Variants in APP observed in about 807,000 individuals in gnomAD.
APP encodes the protein amyloid beta precursor protein, also known as amyloid-beta precursor protein.
APP carries 31 observed loss-of-function variants against 101.4 expected under a neutral mutation model. That is an observed-to-expected ratio of 0.31 (90% CI 0.23 to 0.41). APP has a LOEUF of 0.41. APP is among the 10% of genes least tolerant of loss of function. The pLI is 1.00. For missense variants in APP, 839 were observed against 1,003.7 expected (o/e 0.84, Z 2.22); for synonymous variants, 366 against 364.4 (o/e 1.00, Z -0.05).
At chr21:26,021,008 A>C (rs1200666128) in intron 6 of APP, among the ~76,000 whole-genome samples, 2 of 151,894 alleles carry the variant, frequency 1.3e-5, no homozygotes, top group African/African-American at 4.8e-5. Context: ...CACCTCTGTT[A>C]AAATTCATAG....
chr21:26,090,868 TAG>T (rs1601434193), intron 2 of APP, among the ~76,000 whole-genome samples: 1 of 152,222 alleles, frequency 6.6e-6, no homozygotes, highest in African/African-American at 2.4e-5. Flanking sequence ...GGGTGTCATT[TAG>T]ATAAAAATAA....
chr21:26,085,008 G>C (rs2146093355), intron 3 of APP, among the ~76,000 whole-genome samples: 1 of 152,150 alleles, frequency 6.6e-6, no homozygotes, highest in African/African-American at 2.4e-5. Flanking sequence ...TCTATCTTTT[G>C]CTGATTATAA....
intron 1 of APP, chr21:26,158,082 T>A (rs1257692425): frequency 6.6e-6 from 1 of 152,254 alleles, no homozygotes; most frequent in Non-Finnish European, 1.5e-5. Context: ...ATTGCTTTGT[T>A]CCATCACTCT....
At chr21:26,170,817 A>G (rs1278047853), upstream of APP, 1 of 550,198 alleles carries the variant, frequency 1.8e-6, no homozygotes, top group Non-Finnish European at 3.0e-6. Flanking sequence ...GAGTCAGCTG[A>G]TCCGGCCCAC....
At chr21:26,025,377 G>C (rs2146795509) in intron 5 of APP, among the ~76,000 whole-genome samples, 1 of 152,286 alleles carries the variant, frequency 6.6e-6, no homozygotes, top group Admixed American at 6.5e-5. Flanking sequence ...GGAAAATTCA[G>C]GGAAAGTCAG....
At position 25,903,090 on chromosome 21, in the gene APP, G is replaced by T. The variant is rs545223604; in HGVS notation, c.1963+1934C>A. ...AAAATTTTTTTTAAAAGAATAGGCC[G>T]GGCATGGTGCTTATGCCTGTAATCC... On this transcript the variant is annotated intron_variant, in intron 15 of 17. Coordinates refer to ENST00000346798, the MANE Select transcript of APP (RefSeq NM_000484.4). Among the ~76,000 whole-genome samples the T allele has an allele frequency of 4.2e-3, 3 of 710 alleles. No individual in the cohort carries two copies. In the African/African-American group the frequency reaches 0.044, roughly 10 times the overall value. The allele number at this position is 710 out of a possible 152,430, so 0.5% of individuals were successfully genotyped here.
chr21:26,019,779 G>A (rs528250216), intron 6 of APP, among the ~76,000 whole-genome samples: 1 of 152,312 alleles, frequency 6.6e-6, no homozygotes, highest in African/African-American at 2.4e-5. Flanking sequence ...CTTCATTTAG[G>A]TTTCGAGAAG....
chr21:26,074,594 T>C (rs1417217547), intron 3 of APP, among the ~76,000 whole-genome samples: 1 of 152,042 alleles, frequency 6.6e-6, no homozygotes. Flanking sequence ...CTACTAAAAA[T>C]ACAAAAATTA....
chr21:25,968,436 C>T (rs1287445579), intron 11 of APP, among the ~76,000 whole-genome samples: 1 of 148,682 alleles, frequency 6.7e-6, no homozygotes, highest in Non-Finnish European at 1.5e-5. Flanking sequence ...GCTGGGATTA[C>T]AGCTGTGAGC....
At chr21:25,948,500 A>G (rs1266143461) in intron 13 of APP, among the ~76,000 whole-genome samples, 1 of 152,158 alleles carries the variant, frequency 6.6e-6, no homozygotes, top group African/African-American at 2.4e-5. Flanking sequence ...CCCATTCACT[A>G]TGGATTTATT....
rs2036983330 is a variant in APP, at chr21:25,881,550, C to T, written c.*120G>A. 5.3e-6 allele frequency: 6 copies of T among 1,135,686 alleles called. No individual in the cohort carries two copies. Among genetic ancestry groups the T allele is most frequent in the South Asian group, 2.5e-5 (2 of 80,440 alleles). 70.4% of individuals were successfully genotyped at this position (1,135,686 alleles called of 1,614,324 possible). ...GTGTTACAGCACAGCTGTCAAAAGGCGATAATGAGTAAATCATAAAACGGG... is the reference window on the plus strand; with the variant it reads ...GTGTTACAGCACAGCTGTCAAAAGGTGATAATGAGTAAATCATAAAACGGG... On this transcript the variant is annotated 3_prime_UTR_variant, in exon 18 of 18. Transcript: ENST00000346798.
intron 6 of APP, chr21:26,009,599 T>TC (rs1396595987): frequency 1.3e-5 from 2 of 151,114 alleles, no homozygotes; most frequent in African/African-American, 4.9e-5. Flanking sequence ...TCTTTTCTTT[T>TC]TTTTTTTTTG....
intron 13 of APP, chr21:25,945,731 C>T (rs1159692360): frequency 2.9e-6 from 1 of 345,484 alleles, no homozygotes; most frequent in East Asian, 9.1e-5. Context: ...CAGGGTCTTG[C>T]TCTATTGCCC....
chr21:26,081,385 GT>G (rs1295387525), intron 3 of APP, among the ~76,000 whole-genome samples: 2 of 143,480 alleles, frequency 1.4e-5, no homozygotes, highest in African/African-American at 5.2e-5. Flanking sequence ...GTCAAAGGGG[GT>G]TGTTCTCTGG....
Position 25,982,424 on chromosome 21 carries a change from G to A in APP, c.1144C>T (p.Pro382Ser), listed in dbSNP as rs752243493. ...PDAVDKYLET[P>S]GDENEHAHFQ... ...TGGGCATGTTCATTCTCATCCCCAG[G>A]TGTCTCGAGATACTTGTCAACGGCA... The change falls in exon 9 of 18, where the codon CCT becomes TCT. Residue 382 changes from proline (P) to serine (S), a missense_variant. Coordinates refer to ENST00000346798, the MANE Select transcript of APP (RefSeq NM_000484.4). 1.2e-5 allele frequency: 19 copies of A among 1,613,508 alleles called. No individual in the cohort carries two copies. Among genetic ancestry groups the A allele is most frequent in the South Asian group, 3.3e-5 (3 of 91,054 alleles).
At chr21:25,969,905 A>AGAGGGGAGGGGAGGGGAGGTAAGGGAGGG (rs796868333) in intron 11 of APP, among the ~76,000 whole-genome samples, 1 of 79,358 alleles carries the variant, frequency 1.3e-5, no homozygotes, top group Non-Finnish European at 2.3e-5. Flanking sequence ...AGAGAAGAGA[A>AGAGGGGAGGGGAGGGGAGGTAAGGGAGGG]GAGGGGAGGG....
At chr21:25,893,897 G>A (rs2037857060) in intron 16 of APP, among the ~76,000 whole-genome samples, 2 of 152,208 alleles carry the variant, frequency 1.3e-5, no homozygotes, top group South Asian at 4.1e-4. Flanking sequence ...TTCATCACTA[G>A]AGAGAAGTCC....
intron 11 of APP, among the ~76,000 whole-genome samples, chr21:25,970,004 GAA>G (rs1274731574): frequency 1.4e-5 from 2 of 147,490 alleles, no homozygotes; most frequent in African/African-American, 5.1e-5. Flanking sequence ...GAGAAACAGA[GAA>G]AGAGAGAGAG....
chr21:26,053,308 C>T lies in APP; in HGVS notation c.396G>A (p.Lys132=). 1 of 1,613,904 alleles carries T rather than the reference C, an allele frequency of 6.2e-7. No homozygotes were observed. The highest frequency in any genetic ancestry group is 8.5e-7 in the Non-Finnish European group (1 of 1,179,854). Residue 132 remains lysine (K), a synonymous_variant, in exon 4 of 18, where the codon AAG becomes AAA. Transcript: ENST00000346798. The part of the protein sequence containing the change: ...FVSDALLVPD[K]CKFLHQERMD... ...TCCTCTCCTGGTGTAAGAATTTGCACTTGTCAGGAACGAGAAGGGCATCAC... is the reference window on the plus strand; with the variant it reads ...TCCTCTCCTGGTGTAAGAATTTGCATTTGTCAGGAACGAGAAGGGCATCAC...
Sources: gnomAD v4.1 joint callset for allele counts (sites outside exome capture counted in the v4.1 genomes callset) on GRCh38, gnomAD v4.1.1 for gene constraint, MANE v1.5 for transcripts, NCBI Gene and HGNC (gene_info 2026-07-23, HGNC 2026-07-21) for gene names.